UEVLD: variants seen among roughly 807,000 people sequenced by gnomAD.
UEVLD encodes ubiquitin-conjugating enzyme E2 variant 3.
A neutral mutation model predicts 58.6 loss-of-function variants in UEVLD; 47 were observed. The observed-to-expected ratio is 0.80, with a 90% CI of 0.63 to 1.02. The LOEUF (loss-of-function observed/expected upper bound fraction) is 1.02. Among genes scored for constraint, UEVLD ranks in the 50% least tolerant of loss-of-function variants. UEVLD has a pLI of 0.00. For missense variants in UEVLD, 510 were observed against 550.6 expected (o/e 0.93, Z 0.74); for synonymous variants, 197 against 195.3 (o/e 1.01, Z -0.07).
chr11:18,565,903 T>TC (rs1341395766), intron 5 of UEVLD, among the ~76,000 whole-genome samples: 2 of 146,396 alleles, frequency 1.4e-5, no homozygotes, highest in Non-Finnish European at 3.0e-5. Flanking sequence ...TTTTTTTCTT[T>TC]TTTTTTTTTT....
chr11:18,588,280 AAG>A (rs1419977993), intron 1 of UEVLD, among the ~76,000 whole-genome samples: 2 of 152,146 alleles, frequency 1.3e-5, no homozygotes, highest in East Asian at 1.9e-4. Context: ...TTCAAGAAAA[AAG>A]AAAAAAAAGG....
rs535564932 is a variant in UEVLD at position 18,565,090 on chromosome 11, G to A, written c.494-80C>T. 7 of 1,022,734 alleles carry A rather than the reference G, an allele frequency of 6.8e-6. No individual in the cohort carries two copies. In the African/African-American group the frequency reaches 1.1e-4, roughly 16 times the overall value. 63.4% of individuals were successfully genotyped at this position (1,022,734 alleles called of 1,614,324 possible). ...GGATCTTTAAAAAAAATATATAGCA[G>A]GCTTCATAGCTTAGAGAGAAAATAT... On this transcript the variant is annotated intron_variant, in intron 5 of 11. Coordinates refer to ENST00000396197, the MANE Select transcript of UEVLD (RefSeq NM_001040697.4).
At chr11:18,569,215 T>A (rs1852464493) in intron 4 of UEVLD, among the ~76,000 whole-genome samples, 1 of 152,166 alleles carries the variant, frequency 6.6e-6, no homozygotes, top group East Asian at 1.9e-4. Flanking sequence ...TATTATAAAT[T>A]ATCCTTTTAT....
intron 1 of UEVLD, among the ~76,000 whole-genome samples, chr11:18,588,142 G>A (rs1853678202): frequency 6.6e-6 from 1 of 152,158 alleles, no homozygotes; most frequent in African/African-American, 2.4e-5. Context: ...GGGGCTCACA[G>A]CAAGATTACG....
intron 1 of UEVLD, among the ~76,000 whole-genome samples, chr11:18,580,919 T>G (rs1201889935): frequency 2.0e-5 from 3 of 152,050 alleles, no homozygotes; most frequent in Admixed American, 6.5e-5. Flanking sequence ...TCCCAGCACT[T>G]TGGGAGGCTA....
chr11:18,580,365 C>T (rs1226698356), intron 1 of UEVLD, among the ~76,000 whole-genome samples: 2 of 152,010 alleles, frequency 1.3e-5, no homozygotes. Context: ...TCTAGGTATA[C>T]ACCCAAGAAA....
intron 1 of UEVLD, among the ~76,000 whole-genome samples, chr11:18,579,831 G>A (rs1853135604): frequency 6.6e-6 from 1 of 151,948 alleles, no homozygotes; most frequent in South Asian, 2.1e-4. Flanking sequence ...TTTTACAATG[G>A]TATCAAAAAG....
intron 4 of UEVLD, among the ~76,000 whole-genome samples, chr11:18,568,971 T>C (rs1852444093): frequency 6.6e-6 from 1 of 152,098 alleles, no homozygotes; most frequent in African/African-American, 2.4e-5. Flanking sequence ...CTTGGCTCAC[T>C]GCAAGCTCCA....
chr11:18,577,491 A>G (rs966956763), intron 2 of UEVLD, among the ~76,000 whole-genome samples: 2 of 152,250 alleles, frequency 1.3e-5, no homozygotes, highest in Admixed American at 6.5e-5. Context: ...GATTGAGTAC[A>G]GGAAACACTA....
chr11:18,553,492 T>C (rs772754241), intron 7 of UEVLD, among the ~76,000 whole-genome samples: 1 of 152,090 alleles, frequency 6.6e-6, no homozygotes, highest in Non-Finnish European at 1.5e-5. Context: ...CAAATTACCA[T>C]ATAATCCAGC....
At chr11:18,536,536 T>C in intron 9 of UEVLD, 67 bp from the exon 10 acceptor site, 5 of 1,335,404 alleles carry the variant, frequency 3.7e-6, no homozygotes, top group Non-Finnish European at 5.4e-6. Flanking sequence ...TGATAACAGA[T>C]CTTTTGGAGT....
intron 7 of UEVLD, among the ~76,000 whole-genome samples, chr11:18,553,104 G>A (rs1360469586): frequency 6.9e-6 from 1 of 144,522 alleles, no homozygotes; most frequent in Non-Finnish European, 1.5e-5. Context: ...GCAGTGAGTC[G>A]AGATAGCGCC....
intron 8 of UEVLD, among the ~76,000 whole-genome samples, chr11:18,545,075 T>TCTATATCTATA (rs60959151): frequency 2.6e-5 from 3 of 117,228 alleles, no homozygotes; most frequent in Admixed American, 9.1e-5. Flanking sequence ...TATATCTATA[T>TCTATATCTATA]TTTTTTTTTT....
intron 6 of UEVLD, among the ~76,000 whole-genome samples, chr11:18,561,818 C>T (rs1167428495): frequency 7.1e-6 from 1 of 141,782 alleles, no homozygotes; most frequent in Non-Finnish European, 1.5e-5. Context: ...GGGAACAGGG[C>T]GAGACTTCGT....
intron 7 of UEVLD, among the ~76,000 whole-genome samples, chr11:18,557,605 T>G (rs1851812198): frequency 6.7e-6 from 1 of 150,300 alleles, no homozygotes; most frequent in Admixed American, 6.7e-5. Flanking sequence ...CAGGCTGGAG[T>G]GTGGTGGCTA....
intron 1 of UEVLD, among the ~76,000 whole-genome samples, chr11:18,587,323 T>C (rs1316242016): frequency 6.6e-6 from 1 of 152,174 alleles, no homozygotes; most frequent in Non-Finnish European, 1.5e-5. Context: ...ATGATACTTC[T>C]CTTCCTACAA....
chr11:18,572,739 G>A (rs895979337), intron 3 of UEVLD, among the ~76,000 whole-genome samples: 4 of 151,640 alleles, frequency 2.6e-5, no homozygotes, highest in African/African-American at 9.7e-5. Context: ...GGGAGGTGGA[G>A]GTTGCAGTGA....
At chr11:18,554,392 A>ATTTTTTTT (rs34857682) in intron 7 of UEVLD, among the ~76,000 whole-genome samples, 2 of 107,552 alleles carry the variant, frequency 1.9e-5, no homozygotes. Context: ...GTGCCTGGCC[A>ATTTTTTTT]TTTTTTTTTT....
intron 10 of UEVLD, among the ~76,000 whole-genome samples, chr11:18,534,883 C>A (rs1346519183): frequency 2.0e-5 from 3 of 152,192 alleles, no homozygotes; most frequent in Non-Finnish European, 4.4e-5. Flanking sequence ...AATTCCTCTT[C>A]TAGGCATTTA....
Sources: allele counts gnomAD v4.1 joint callset (sites outside exome capture counted in the v4.1 genomes callset), GRCh38; gene constraint gnomAD v4.1.1; transcripts MANE v1.5; gene names NCBI Gene and HGNC (gene_info 2026-07-23, HGNC 2026-07-21).